The following EFR3A variants were observed in gnomAD, a reference collection of about 807,000 sequenced individuals.
The protein encoded by EFR3A is EFR3 homolog A, also known as protein EFR3 homolog A.
EFR3A carries 76 observed loss-of-function variants against 104.4 expected under a neutral mutation model. That is an observed-to-expected ratio of 0.73 (90% CI 0.60 to 0.88). The LOEUF (loss-of-function observed/expected upper bound fraction) is 0.88, where lower values mean the gene tolerates loss of function less well. EFR3A is among the 40% of genes least tolerant of loss of function. EFR3A has a pLI of 0.00. For synonymous variants in EFR3A, 330 were observed against 330.0 expected (o/e 1.00, Z 0.00); for missense variants, 985 against 1,012.5 (o/e 0.97, Z 0.37).
rs554765009 is a variant in EFR3A at position 131,946,528 on chromosome 8, T to A, written c.261T>A (p.Ala87=). ...AMEALDQLLM[A]CHSQSIKPFV... ...AGGCACTGGACCAACTTCTCATGGC[T>A]TGCCATTCTCAAAGCATTAAGCCAT... Residue 87 remains alanine, a synonymous_variant, in exon 4 of 23, where the codon GCT becomes GCA. Coordinates refer to ENST00000254624, the MANE Select transcript of EFR3A (RefSeq NM_015137.6). 8.9e-5 allele frequency: 143 copies of A among 1,608,102 alleles called. 1 individual carries two copies. The South Asian group carries it at 1.5e-3, about 17-fold the overall frequency.
intron 9 of EFR3A, among the ~76,000 whole-genome samples, chr8:131,970,037 A>G (rs1231242485): frequency 6.6e-6 from 1 of 152,218 alleles, no homozygotes; most frequent in African/African-American, 2.4e-5. Flanking sequence ...TAATTGAGGC[A>G]TATTCTCCCT....
chr8:131,967,402 G>C (rs756394541), intron 8 of EFR3A, among the ~76,000 whole-genome samples: 1 of 151,998 alleles, frequency 6.6e-6, no homozygotes, highest in South Asian at 2.1e-4. Context: ...CCAAAGGAAA[G>C]AAAGGTAACC....
intron 1 of EFR3A, among the ~76,000 whole-genome samples, chr8:131,911,537 G>A (rs959833253): frequency 3.9e-5 from 6 of 152,024 alleles, no homozygotes; most frequent in African/African-American, 1.4e-4. Flanking sequence ...GTAGTTTTGG[G>A]GCCAAGGGTA....
intron 10 of EFR3A, among the ~76,000 whole-genome samples, chr8:131,974,625 A>G (rs1820230389): frequency 6.6e-6 from 1 of 152,224 alleles, no homozygotes; most frequent in African/African-American, 2.4e-5. Flanking sequence ...ACTGAGACAA[A>G]TAATAGAACC....
intron 2 of EFR3A, among the ~76,000 whole-genome samples, chr8:131,944,138 A>C (rs2130572353): frequency 2.0e-5 from 3 of 152,228 alleles, no homozygotes; most frequent in Admixed American, 2.0e-4. Flanking sequence ...CAAGAAACTT[A>C]CGTGGTAACT....
At chr8:131,984,028 C>T (rs374518122) in intron 14 of EFR3A, 111 bp from the exon 15 acceptor site, 11 of 844,358 alleles carry the variant, frequency 1.3e-5, no homozygotes, top group African/African-American at 1.1e-4. Flanking sequence ...ATTTCATTTC[C>T]ATGTTAAGCT....
chr8:131,910,639 C>T (rs1816471932), intron 1 of EFR3A, among the ~76,000 whole-genome samples: 1 of 152,254 alleles, frequency 6.6e-6, no homozygotes. Context: ...CACCCACACA[C>T]ACCTCTGTAA....
At chr8:131,968,855 C>T (rs2130696163) in intron 9 of EFR3A, among the ~76,000 whole-genome samples, 1 of 152,166 alleles carries the variant, frequency 6.6e-6, no homozygotes, top group South Asian at 2.1e-4. Flanking sequence ...TTTTATGTGG[C>T]CCATTTTGGG....
chr8:131,963,680 C>T (rs545804651), intron 8 of EFR3A, among the ~76,000 whole-genome samples: 5 of 152,222 alleles, frequency 3.3e-5, no homozygotes, highest in African/African-American at 1.2e-4. Flanking sequence ...GAAACTATTC[C>T]AATCAATAGA....
At chr8:131,946,269 G>A (rs1818435536) in intron 3 of EFR3A, among the ~76,000 whole-genome samples, 1 of 152,022 alleles carries the variant, frequency 6.6e-6, no homozygotes, top group Admixed American at 6.6e-5. Flanking sequence ...GGAATACAGT[G>A]TATATTTTCT....
intron 22 of EFR3A, among the ~76,000 whole-genome samples, chr8:132,005,882 A>G (rs1335267757): frequency 1.3e-5 from 2 of 152,166 alleles, no homozygotes; most frequent in African/African-American, 4.8e-5. Context: ...GTGTAAGTAA[A>G]TGTCAGGAAA....
intron 2 of EFR3A, among the ~76,000 whole-genome samples, chr8:131,943,918 T>G (rs896149150): frequency 6.6e-6 from 1 of 151,986 alleles, no homozygotes; most frequent in Non-Finnish European, 1.5e-5. Flanking sequence ...AGTAGCAAGT[T>G]TGAGGAAAAC....
At chr8:131,930,316 T>C (rs993245693) in intron 1 of EFR3A, among the ~76,000 whole-genome samples, 7 of 152,006 alleles carry the variant, frequency 4.6e-5, no homozygotes, top group Non-Finnish European at 8.8e-5. Context: ...TTTCCTCTTA[T>C]AGCAGAAGTC....
chr8:131,952,502 T>C (rs1041477185), intron 5 of EFR3A, among the ~76,000 whole-genome samples: 2 of 152,166 alleles, frequency 1.3e-5, no homozygotes, highest in Non-Finnish European at 2.9e-5. Context: ...GGCTGCTGTC[T>C]CACAAGGCAT....
chr8:131,906,742 A>G (rs1209618836), intron 1 of EFR3A, among the ~76,000 whole-genome samples: 2 of 152,180 alleles, frequency 1.3e-5, no homozygotes, highest in African/African-American at 4.8e-5. Flanking sequence ...CACAGAAACA[A>G]TTTTGTGGTC....
rs970351691 is a variant in EFR3A at position 131,921,558 on chromosome 8, A to T, written c.10+17236A>T. Among the ~76,000 whole-genome samples the T allele has an allele frequency of 2.6e-5, 4 of 152,118 alleles. No individual in the cohort carries two copies. In the East Asian group the frequency reaches 7.7e-4, roughly 29 times the overall value. ...ACAGACTTTTACTTACAACATTTTCATTTTTTTAATTGTGCGTATTTATTA... is the reference window on the plus strand; with the variant it reads ...ACAGACTTTTACTTACAACATTTTCTTTTTTTTAATTGTGCGTATTTATTA... On this transcript the variant is annotated intron_variant, in intron 1 of 22. Coordinates refer to ENST00000254624, the MANE Select transcript of EFR3A (RefSeq NM_015137.6).
At chr8:131,947,561 ATG>A (rs1818502394) in intron 4 of EFR3A, among the ~76,000 whole-genome samples, 1 of 150,116 alleles carries the variant, frequency 6.7e-6, no homozygotes, top group Admixed American at 6.7e-5. Flanking sequence ...TTGGTGTGTA[ATG>A]TGTGTTTGGG....
At chr8:131,961,835 A>G (rs1257144145) in intron 8 of EFR3A, among the ~76,000 whole-genome samples, 1 of 152,240 alleles carries the variant, frequency 6.6e-6, no homozygotes, top group African/African-American at 2.4e-5. Context: ...CACAAAGGGA[A>G]GCCCATCAGA....
chr8:131,956,195 A>G (rs745418067), intron 7 of EFR3A, among the ~76,000 whole-genome samples: 1 of 152,154 alleles, frequency 6.6e-6, no homozygotes. Context: ...GTGCAGTGAA[A>G]TATTTAAACA....
Sources: gnomAD v4.1 joint callset for allele counts (sites outside exome capture counted in the v4.1 genomes callset) on GRCh38, gnomAD v4.1.1 for gene constraint, MANE v1.5 for transcripts, NCBI Gene and HGNC (gene_info 2026-07-23, HGNC 2026-07-21) for gene names.